Variants in RECQL observed in about 807,000 individuals in gnomAD.
RECQL encodes the protein RecQ like helicase.
RECQL carries 73 observed loss-of-function variants against 75.8 expected under a neutral mutation model. The observed-to-expected ratio is 0.96, with a 90% CI of 0.80 to 1.17. The LOEUF is 1.17. Ranked by LOEUF, RECQL falls within the 50% of genes most tolerant of loss-of-function variation. The pLI is 0.00. For synonymous variants in RECQL, 248 were observed against 254.4 expected, an observed-to-expected ratio of 0.97 and a Z score of 0.24; for missense variants, 699 against 772.1, an observed-to-expected ratio of 0.91 and a Z score of 1.12.
chr12:21,473,523 A>T lies in RECQL; in HGVS notation c.1447+28T>A, dbSNP rs761361397. 103 of 1,559,034 alleles carry T rather than the reference A, an allele frequency of 6.6e-5. No homozygotes were observed. In the Middle Eastern group the frequency reaches 8.4e-4, roughly 13 times the overall value. ...CTAGGCATTATGACTGTATTAGCCTATAAAGGTTTACAAAACAACAAACTC... is the reference window on the plus strand; with the variant it reads ...CTAGGCATTATGACTGTATTAGCCTTTAAAGGTTTACAAAACAACAAACTC... On this transcript the variant is annotated intron_variant, in intron 12 of 14. Transcript: ENST00000444129.
At chr12:21,477,735 A>AAT in intron 7 of RECQL, 68 bp downstream of exon 7, 1 of 1,313,980 alleles carries the variant, frequency 7.6e-7, no homozygotes, top group Non-Finnish European at 1.0e-6. Context: ...AAATAAACAT[A>AAT]ATAAAAAGGC....
intron 12 of RECQL, among the ~76,000 whole-genome samples, chr12:21,472,404 TGGC>T (rs1349113940): frequency 3.3e-5 from 5 of 151,464 alleles, no homozygotes; most frequent in Non-Finnish European, 5.9e-5. Context: ...TATAGGAAAA[TGGC>T]GGCTCCATAG....
chr12:21,501,587 C>G lies in RECQL; in HGVS notation c.-463G>C, dbSNP rs1943622236. On this transcript the variant is annotated 5_prime_UTR_variant, in exon 1 of 15. Transcript: ENST00000444129. Reference sequence around the variant, plus strand: ...GCACCCAGGCCTCGAGCAGATCTTTCCGCTACTCGGGAGTAAAATCTTCCC... The same window carrying G: ...GCACCCAGGCCTCGAGCAGATCTTTGCGCTACTCGGGAGTAAAATCTTCCC... 3.0e-6 allele frequency: 1 copy of G among 337,264 alleles called. No individual in the cohort carries two copies. The highest frequency in any genetic ancestry group is 3.5e-5 in the South Asian group (1 of 28,286). 20.9% of individuals were successfully genotyped at this position (337,264 alleles called of 1,614,324 possible).
At chr12:21,472,246 A>G (rs938246548) in intron 12 of RECQL, among the ~76,000 whole-genome samples, 1 of 152,084 alleles carries the variant, frequency 6.6e-6, no homozygotes, top group Non-Finnish European at 1.5e-5. Flanking sequence ...CACGGATGAA[A>G]AAAAGTTAAA....
chr12:21,469,091 C>A lies in RECQL; in HGVS notation c.*1103G>T. ...ACTTAGCCAAATGTACTCTAGTAGA[C>A]TAGAACCATTCTTTGTGAAATGTCA... On this transcript the variant is annotated 3_prime_UTR_variant, in exon 15 of 15. Coordinates refer to ENST00000444129, the MANE Select transcript of RECQL (RefSeq NM_002907.4). 5.2e-6 allele frequency: 1 copy of A among 191,872 alleles called. No individual in the cohort carries two copies. Among genetic ancestry groups the A allele is most frequent in the Non-Finnish European group, 1.1e-5 (1 of 92,370 alleles). 11.9% of individuals were successfully genotyped at this position (191,872 alleles called of 1,614,324 possible).
In RECQL at chr12:21,490,276, C is replaced by G; in HGVS notation, c.317G>C (p.Gly106Ala). 2 of 1,612,990 alleles carry G rather than the reference C, an allele frequency of 1.2e-6. No homozygotes were observed. Among genetic ancestry groups the G allele is most frequent in the African/African-American group, 1.3e-5 (1 of 75,004 alleles). ...QLETINVTMA[G>A]KEVFLVMPTG... is the part of the protein sequence containing the mutation. The stretch of plus-strand genomic sequence containing the variant: ...AGGCATAACAAGAAATACCTCCTTT[C>G]CAGCCATTGTTACGTTAATAGTTTC... Residue 106 changes from glycine to alanine, a missense_variant, in exon 4 of 15, where the codon GGA becomes GCA. Gly to Ala is a moderately conservative substitution (Grantham distance 60). Around this residue, in one of 2 missense-constraint regions of RECQL, gnomAD observed 669 missense variants for 713.5 expected, o/e 0.94. Transcript: ENST00000444129.
intron 1 of RECQL, among the ~76,000 whole-genome samples, chr12:21,500,252 G>A (rs932100191): frequency 1.3e-5 from 2 of 152,002 alleles, no homozygotes; most frequent in African/African-American, 4.8e-5. Context: ...AGTTAGAGGT[G>A]GGGGGAGGGG....
At chr12:21,500,472 C>A (rs1193525135) in intron 1 of RECQL, among the ~76,000 whole-genome samples, 1 of 152,192 alleles carries the variant, frequency 6.6e-6, no homozygotes, top group East Asian at 1.9e-4. Context: ...GACTGCTGAC[C>A]TTACGCCCTT....
intron 11 of RECQL, among the ~76,000 whole-genome samples, chr12:21,474,549 G>A (rs764414114): frequency 1.3e-5 from 2 of 152,138 alleles, no homozygotes; most frequent in South Asian, 2.1e-4. Context: ...ATTAAATCAT[G>A]TAACTGTACA....
At chr12:21,475,879 G>A in intron 8 of RECQL, 55 bp from the exon 9 acceptor site, 9 of 1,396,244 alleles carry the variant, frequency 6.4e-6, no homozygotes, top group Non-Finnish European at 8.0e-6. Flanking sequence ...CTGGAAGATG[G>A]TTTTCAACAC....
At chr12:21,476,887 A>G (rs766016670) in intron 8 of RECQL, 24 bp downstream of exon 8, 4 of 1,533,012 alleles carry the variant, frequency 2.6e-6, no homozygotes, top group South Asian at 1.2e-5. Context: ...CTCTGTCTCC[A>G]AAGTTGGTTT....
intron 12 of RECQL, among the ~76,000 whole-genome samples, chr12:21,472,517 A>G (rs1394006690): frequency 1.3e-5 from 2 of 151,948 alleles, no homozygotes; most frequent in African/African-American, 4.8e-5. Flanking sequence ...GGGGAAGATT[A>G]TTCATGAATC....
chr12:21,493,712 C>G (rs1943454068), intron 2 of RECQL, among the ~76,000 whole-genome samples: 2 of 152,142 alleles, frequency 1.3e-5, no homozygotes, highest in Admixed American at 6.5e-5. Flanking sequence ...TTCTACCCTG[C>G]CTCCCCTTTC....
chr12:21,494,554 T>C (rs1185970246), intron 2 of RECQL, among the ~76,000 whole-genome samples: 2 of 152,054 alleles, frequency 1.3e-5, no homozygotes, highest in African/African-American at 4.8e-5. Flanking sequence ...GTCAGAAAAT[T>C]GGGATGGAAT....
intron 2 of RECQL, among the ~76,000 whole-genome samples, chr12:21,493,576 C>T (rs1202715942): frequency 6.6e-6 from 1 of 152,184 alleles, no homozygotes; most frequent in Non-Finnish European, 1.5e-5. Context: ...GAATTCCCAA[C>T]CTTGCAGGGA....
rs532100542 is a variant in RECQL, at chr12:21,480,482, G to A, written c.701-2513C>T. Among the ~76,000 whole-genome samples, 5 of 152,264 alleles carry A rather than the reference G, an allele frequency of 3.3e-5. No homozygotes were observed. In the South Asian group the frequency reaches 1.0e-3, roughly 32 times the overall value. ...CAACACTTAGTGGTGGACTGGATCTGCAAAGGGAGGGTAAATCAAGGACGG... is the reference window on the plus strand; with the variant it reads ...CAACACTTAGTGGTGGACTGGATCTACAAAGGGAGGGTAAATCAAGGACGG... On this transcript the variant is annotated intron_variant, in intron 6 of 14. Coordinates refer to ENST00000444129, the MANE Select transcript of RECQL (RefSeq NM_002907.4).
At chr12:21,484,788 A>C (rs1194607658) in intron 5 of RECQL, among the ~76,000 whole-genome samples, 2 of 152,002 alleles carry the variant, frequency 1.3e-5, no homozygotes, top group Non-Finnish European at 2.9e-5. Context: ...AAGGTGAATC[A>C]TATTATACGT....
At chr12:21,498,600 T>A (rs1943551067) in intron 2 of RECQL, among the ~76,000 whole-genome samples, 1 of 152,160 alleles carries the variant, frequency 6.6e-6, no homozygotes, top group Non-Finnish European at 1.5e-5. Context: ...GGGTAAGTGA[T>A]CCTGACTATT....
rs746130237 is a variant in RECQL, at chr12:21,471,490, G to T, written c.1605C>A (p.Pro535=). ...AKLRVAGVVA[P]TLPREDLEKI... ...TCTCCAGATCTTCACGAGGAAGTGT[G>T]GGAGCCACAACACCTGCTACTCTCA... Residue 535 remains proline (P), a synonymous_variant, in exon 13 of 15, where the codon CCC becomes CCA. Transcript: ENST00000444129. 2.5e-6 allele frequency: 4 copies of T among 1,613,180 alleles called. No individual in the cohort carries two copies. Among genetic ancestry groups the T allele is most frequent in the South Asian group, 2.2e-5 (2 of 91,024 alleles).
Sources: allele counts gnomAD v4.1 joint callset (sites outside exome capture counted in the v4.1 genomes callset), GRCh38; gene constraint gnomAD v4.1.1; regional missense constraint gnomAD v4.1.1; transcripts MANE v1.5; gene names NCBI Gene and HGNC (gene_info 2026-07-23, HGNC 2026-07-21).